TBC1D1: variants seen among roughly 807,000 people sequenced by gnomAD.
The protein encoded by TBC1D1 is TBC1 (tre-2/USP6, BUB2, cdc16) domain family, member 1.
Under a neutral mutation model 125.6 loss-of-function variants are expected in TBC1D1, and 89 were observed. The observed-to-expected ratio is 0.71, with a 90% confidence interval of 0.60 to 0.85. The LOEUF (loss-of-function observed/expected upper bound fraction) is 0.85, where lower values mean the gene tolerates loss of function less well. Among genes scored for constraint, TBC1D1 ranks in the 40% least tolerant of loss-of-function variants. The probability of loss-of-function intolerance (pLI) is 0.00; values close to 1 mark genes in which losing one functional copy is unlikely to be tolerated. For missense variants in TBC1D1, 1,377 were observed against 1,469.2 expected (o/e 0.94, Z 1.03); for synonymous variants, 565 against 564.1 (o/e 1.00, Z -0.02).
chr4:38,036,799 G>C (rs1747305653), intron 8 of TBC1D1, among the ~76,000 whole-genome samples: 1 of 152,170 alleles, frequency 6.6e-6, no homozygotes, highest in Non-Finnish European at 1.5e-5. Context: ...ATGAGTATAT[G>C]ACCTGTGTTT....
At chr4:37,931,368 AT>A (rs1351495700) in intron 2 of TBC1D1, among the ~76,000 whole-genome samples, 1 of 152,132 alleles carries the variant, frequency 6.6e-6, no homozygotes, top group Admixed American at 6.5e-5. Flanking sequence ...AAGTGCTGGA[AT>A]TACAGGTGTG....
intron 2 of TBC1D1, among the ~76,000 whole-genome samples, chr4:37,939,878 C>CTA (rs1377733802): frequency 2.0e-5 from 3 of 152,160 alleles, no homozygotes; most frequent in Non-Finnish European, 4.4e-5. Flanking sequence ...TTCCATTGGA[C>CTA]TATAGCTCTG....
intron 15 of TBC1D1, chr4:38,111,849 T>G (rs995069911): frequency 1.3e-6 from 1 of 744,284 alleles, no homozygotes; most frequent in African/African-American, 1.9e-5. Context: ...CAAAGTCAGA[T>G]GGGTGCAGTT....
chr4:38,045,556 GA>G (rs1299589667), intron 9 of TBC1D1, among the ~76,000 whole-genome samples: 1 of 152,130 alleles, frequency 6.6e-6, no homozygotes, highest in Non-Finnish European at 1.5e-5. Context: ...CCTTATAGAC[GA>G]ATTGTCTTGT....
chr4:38,017,366 A>C (rs1437654249), intron 3 of TBC1D1, among the ~76,000 whole-genome samples: 1 of 152,196 alleles, frequency 6.6e-6, no homozygotes, highest in Admixed American at 6.5e-5. Context: ...AAAATGAATT[A>C]GTTTTTCATC....
At chr4:38,056,904 G>A (rs1227077639) in intron 12 of TBC1D1, among the ~76,000 whole-genome samples, 2 of 152,192 alleles carry the variant, frequency 1.3e-5, no homozygotes, top group African/African-American at 4.8e-5. Flanking sequence ...GTCCTTTTGC[G>A]ATTGTTTTGA....
At chr4:38,060,052 G>A (rs1248452310) in intron 12 of TBC1D1, among the ~76,000 whole-genome samples, 2 of 152,154 alleles carry the variant, frequency 1.3e-5, no homozygotes, top group African/African-American at 4.8e-5. Context: ...AAAGGACATG[G>A]TCTCATTCAT....
chr4:38,080,979 A>G (rs1044520907), intron 12 of TBC1D1, among the ~76,000 whole-genome samples: 3 of 152,214 alleles, frequency 2.0e-5, no homozygotes, highest in Non-Finnish European at 2.9e-5. Context: ...TATGAAGTAT[A>G]TGTGAAGTTT....
At chr4:37,983,930 G>A (rs1055969354) in intron 2 of TBC1D1, among the ~76,000 whole-genome samples, 1 of 152,088 alleles carries the variant, frequency 6.6e-6, no homozygotes, top group African/African-American at 2.4e-5. Flanking sequence ...TAAGCCTTTG[G>A]CAACCCACTA....
At chr4:37,975,330 T>G (rs1047027484) in intron 2 of TBC1D1, among the ~76,000 whole-genome samples, 2 of 152,148 alleles carry the variant, frequency 1.3e-5, no homozygotes, top group Non-Finnish European at 2.9e-5. Flanking sequence ...GCTACTACTA[T>G]CTAAAAGGCA....
chr4:38,058,618 A>G (rs1752192713), intron 12 of TBC1D1, among the ~76,000 whole-genome samples: 1 of 152,206 alleles, frequency 6.6e-6, no homozygotes, highest in South Asian at 2.1e-4. Flanking sequence ...TTACATTTAT[A>G]TTCTGGCAGT....
chr4:38,032,983 G>A (rs1438635408), intron 7 of TBC1D1, among the ~76,000 whole-genome samples: 1 of 152,150 alleles, frequency 6.6e-6, no homozygotes, highest in African/African-American at 2.4e-5. Context: ...TCTTGATTGT[G>A]TATAACACCA....
intron 12 of TBC1D1, among the ~76,000 whole-genome samples, chr4:38,059,763 T>C (rs1434933369): frequency 6.6e-6 from 1 of 152,228 alleles, no homozygotes; most frequent in African/African-American, 2.4e-5. Flanking sequence ...GTGCAGGATG[T>C]GCAGGTTTGT....
intron 2 of TBC1D1, among the ~76,000 whole-genome samples, chr4:37,957,145 T>A (rs911592297): frequency 2.6e-5 from 4 of 152,170 alleles, no homozygotes; most frequent in Non-Finnish European, 5.9e-5. Flanking sequence ...CATAAGCCCC[T>A]CATGAGTTTG....
intron 2 of TBC1D1, among the ~76,000 whole-genome samples, chr4:37,976,014 G>T (rs1422332044): frequency 6.6e-6 from 1 of 152,116 alleles, no homozygotes; most frequent in Non-Finnish European, 1.5e-5. Flanking sequence ...CTTAAGTGTG[G>T]ACTAGACTTA....
intron 12 of TBC1D1, among the ~76,000 whole-genome samples, chr4:38,060,878 C>T (rs1752629773): frequency 6.6e-6 from 1 of 152,216 alleles, no homozygotes; most frequent in Non-Finnish European, 1.5e-5. Flanking sequence ...TTCAGGTCCA[C>T]TGTGAGGAGG....
chr4:37,977,524 G>A lies in TBC1D1; in HGVS notation c.418-36985G>A. The A allele has an allele frequency of 1.0e-6, 1 of 983,956 alleles. No individual in the cohort carries two copies. The allele number at this position is 983,956 out of a possible 1,614,324, so 61.0% of individuals were successfully genotyped here. On this transcript the variant is annotated intron_variant, in intron 2 of 19. Coordinates refer to ENST00000261439, the MANE Select transcript of TBC1D1 (RefSeq NM_015173.4). The surrounding 1 kb of genome is among the most constrained non-coding windows in gnomAD (Gnocchi z 4.3). ...GATGTCACCATTGTTCAGCTGGGTGGCCAAGGTAGGCGGCGTCGGGCGGGC... is the reference window on the plus strand; with the variant it reads ...GATGTCACCATTGTTCAGCTGGGTGACCAAGGTAGGCGGCGTCGGGCGGGC...
rs1334168124 is a variant in TBC1D1 at position 37,977,525 on chromosome 4, C to A, written c.418-36984C>A. 1.4e-5 allele frequency: 14 copies of A among 983,674 alleles called. No homozygotes were observed. The highest frequency in any genetic ancestry group is 1.7e-5 in the Non-Finnish European group (14 of 817,582). The allele number at this position is 983,674 out of a possible 1,614,324, so 60.9% of individuals were successfully genotyped here. A position where few individuals can be genotyped will look rare whatever the true frequency, so the allele number is the denominator to read the frequency against. Reference sequence around the variant, plus strand: ...ATGTCACCATTGTTCAGCTGGGTGGCCAAGGTAGGCGGCGTCGGGCGGGCG... The same window carrying A: ...ATGTCACCATTGTTCAGCTGGGTGGACAAGGTAGGCGGCGTCGGGCGGGCG... On this transcript the variant is annotated intron_variant, in intron 2 of 19. Transcript: ENST00000261439. This position sits in a 1 kb window ranked among gnomAD's most constrained non-coding sequence, Gnocchi z 4.3.
chr4:37,965,671 GAT>G (rs1730923613), intron 2 of TBC1D1, among the ~76,000 whole-genome samples: 1 of 152,176 alleles, frequency 6.6e-6, no homozygotes, highest in South Asian at 2.1e-4. Context: ...TCGGTGAGCA[GAT>G]ATGTTTAGTT....
Sources: gnomAD v4.1 joint callset for allele counts (sites outside exome capture counted in the v4.1 genomes callset) on GRCh38, gnomAD v4.1.1 for gene constraint, Gnocchi (gnomAD v3.1) non-coding constraint, MANE v1.5 for transcripts, NCBI Gene and HGNC (gene_info 2026-07-23, HGNC 2026-07-21) for gene names.